The following CUX1 variants were observed in gnomAD, a reference collection of about 807,000 sequenced individuals.
CUX1 encodes cut like homeobox 1.
CUX1 carries 31 observed loss-of-function variants against 158.8 expected under a neutral mutation model. That is an observed-to-expected ratio of 0.20 (90% CI 0.15 to 0.26). The LOEUF is 0.26. CUX1 is among the 10% of genes least tolerant of loss of function. The pLI is 1.00. For synonymous variants in CUX1, 879 were observed against 862.1 expected (o/e 1.02, Z -0.34); for missense variants, 1,589 against 2,014.6 (o/e 0.79, Z 4.04).
At chr7:101,902,930 A>G in intron 1 of CUX1, among the ~76,000 whole-genome samples, 1 of 152,248 alleles carries the variant, frequency 6.6e-6, no homozygotes, top group East Asian at 1.9e-4. Context: ...CTTAATTTTA[A>G]TGGCTGATGT....
Position 102,281,761 on chromosome 7 carries a change from C to A in CUX1, c.1822-79C>A. 3 of 947,940 alleles carry A rather than the reference C, an allele frequency of 3.2e-6. No homozygotes were observed. The South Asian group carries it at 4.0e-5, about 13-fold the overall frequency. 58.7% of individuals were successfully genotyped at this position (947,940 alleles called of 1,614,324 possible). A position where few individuals can be genotyped will look rare whatever the true frequency, so the allele number is the denominator to read the frequency against. ...TTCCCTCCCCTTGCCACCCTAGGGC[C>A]CTTTCTGTGAAGCCCAGGCAGCCCT... On this transcript the variant is annotated intron_variant, in intron 20 of 22. Coordinates refer to the CUX1 transcript ENST00000292538.
chr7:102,158,717 T>C, intron 9 of CUX1, 109 bp downstream of exon 9: 1 of 1,021,408 alleles, frequency 9.8e-7, no homozygotes, highest in Admixed American at 1.9e-5. Flanking sequence ...CTTCCATTTT[T>C]TACTGACAGC....
chr7:102,202,730 A>C (rs1348056816), intron 18 of CUX1, among the ~76,000 whole-genome samples: 1 of 152,160 alleles, frequency 6.6e-6, no homozygotes, highest in Non-Finnish European at 1.5e-5. Context: ...TAACTCTTGG[A>C]TATTGTTCAG....
In CUX1 at chr7:102,252,964, T is replaced by C; in HGVS notation, c.*3922T>C. The C allele has an allele frequency of 2.0e-6, 2 of 985,410 alleles. No individual in the cohort carries two copies. The highest frequency in any genetic ancestry group is 2.4e-6 in the Non-Finnish European group (2 of 829,926). 61.0% of individuals were successfully genotyped at this position (985,410 alleles called of 1,614,324 possible). A position where few individuals can be genotyped will look rare whatever the true frequency, so the allele number is the denominator to read the frequency against. On this transcript the variant is annotated 3_prime_UTR_variant, in exon 24 of 24. Coordinates refer to ENST00000292535, the MANE Select transcript of CUX1 (RefSeq NM_181552.4). ...CAGGGATGCATGCATGGGAGAACTCTCTGAGAAATGCCAGGATCGTGGCTC... is the reference window on the plus strand; with the variant it reads ...CAGGGATGCATGCATGGGAGAACTCCCTGAGAAATGCCAGGATCGTGGCTC...
At chr7:101,937,489 G>C (rs1289921951) in intron 2 of CUX1, among the ~76,000 whole-genome samples, 7 of 152,072 alleles carry the variant, frequency 4.6e-5, no homozygotes, top group Admixed American at 2.6e-4. Context: ...TGAGGGAAAA[G>C]GGATAAATCA....
At chr7:101,985,372 T>C (rs1814161475) in intron 2 of CUX1, among the ~76,000 whole-genome samples, 1 of 151,882 alleles carries the variant, frequency 6.6e-6, no homozygotes, top group Non-Finnish European at 1.5e-5. Flanking sequence ...ACTGGGGAAA[T>C]GTAGCTAGCC....
In CUX1 at chr7:101,869,294, C is replaced by G. The variant is rs1021372228; in HGVS notation, c.31-46821C>G. On this transcript the variant is annotated intron_variant, in intron 1 of 23. Transcript: ENST00000292535. This position sits in a 1 kb window ranked among gnomAD's most constrained non-coding sequence, Gnocchi z 4.5. The stretch of plus-strand genomic sequence containing the variant: ...CCAGAGGACGCGGTGCCTTTCAGAC[C>G]CCTTGAGTAAGAGACAGAGTGGGTC... 6.6e-6 allele frequency among the ~76,000 whole-genome samples: 1 copy of G among 152,124 alleles called. No individual in the cohort carries two copies. Among genetic ancestry groups the G allele is most frequent in the Admixed American group, 6.5e-5 (1 of 15,270 alleles).
At chr7:101,855,672 A>G (rs959151283) in intron 1 of CUX1, among the ~76,000 whole-genome samples, 30 of 150,560 alleles carry the variant, frequency 2.0e-4, no homozygotes, top group African/African-American at 7.1e-4. Context: ...GAGGTCAGGA[A>G]TTCCAGACCA....
At chr7:101,923,595 T>C (rs1288731756) in intron 2 of CUX1, among the ~76,000 whole-genome samples, 1 of 152,254 alleles carries the variant, frequency 6.6e-6, no homozygotes, top group East Asian at 1.9e-4. Context: ...GGGCCGTCAC[T>C]GGTCATTTTT....
chr7:101,957,179 A>T (rs1037027151), intron 2 of CUX1, among the ~76,000 whole-genome samples: 1 of 152,220 alleles, frequency 6.6e-6, no homozygotes, highest in Non-Finnish European at 1.5e-5. Flanking sequence ...AGAATTAAAG[A>T]TGCTGTATCA....
chr7:102,078,675 A>G (rs1554477455), intron 4 of CUX1, among the ~76,000 whole-genome samples: 1 of 152,254 alleles, frequency 6.6e-6, no homozygotes, highest in Admixed American at 6.5e-5. Context: ...ACACTGCTAG[A>G]AGTCGCTGTT....
intron 21 of CUX1, among the ~76,000 whole-genome samples, chr7:102,228,717 G>A (rs1554529582): frequency 1.3e-5 from 2 of 152,208 alleles, no homozygotes; most frequent in African/African-American, 4.8e-5. Flanking sequence ...AGAATCGTTT[G>A]AACCCTGTAG....
At chr7:102,166,524 CAG>C (rs1158582733) in intron 9 of CUX1, among the ~76,000 whole-genome samples, 2 of 152,150 alleles carry the variant, frequency 1.3e-5, no homozygotes, top group Non-Finnish European at 2.9e-5. Flanking sequence ...GCTGGTTTAA[CAG>C]GGGTCTTCAG....
At chr7:101,895,584 A>G (rs912294991) in intron 1 of CUX1, among the ~76,000 whole-genome samples, 1 of 152,160 alleles carries the variant, frequency 6.6e-6, no homozygotes, top group Non-Finnish European at 1.5e-5. Context: ...TGTCTGTCCC[A>G]TAGATAGACT....
At chr7:102,283,524 C>T (rs562099760) in exon 23 of CUX1, 33 of 179,414 alleles carry the variant, frequency 1.8e-4, no homozygotes, top group South Asian at 1.1e-3. Flanking sequence ...AGGTGGAAGA[C>T]GCTTCCTTCC....
intron 14 of CUX1, among the ~76,000 whole-genome samples, chr7:102,272,988 C>T (rs1474454421): frequency 6.6e-6 from 1 of 152,202 alleles, no homozygotes; most frequent in Admixed American, 6.5e-5. Context: ...CCTCCTTGCC[C>T]CTGCCTGACA....
intron 1 of CUX1, among the ~76,000 whole-genome samples, chr7:101,849,344 CAA>C (rs1258836838): frequency 6.6e-6 from 1 of 151,578 alleles, no homozygotes; most frequent in Non-Finnish European, 1.5e-5. Context: ...CTTCACTCTC[CAA>C]AAGGCCCCAG....
chr7:101,990,248 G>A (rs1295183457), intron 2 of CUX1, among the ~76,000 whole-genome samples: 1 of 152,080 alleles, frequency 6.6e-6, no homozygotes, highest in African/African-American at 2.4e-5. Flanking sequence ...CGTAGATGAA[G>A]TTATTTGGGA....
intron 2 of CUX1, among the ~76,000 whole-genome samples, chr7:101,978,013 G>A (rs950426332): frequency 4.0e-5 from 6 of 150,454 alleles, no homozygotes; most frequent in Middle Eastern, 3.4e-3. Context: ...CTCCTGGTTC[G>A]GCCCACCTTG....
Sources: allele counts gnomAD v4.1 joint callset (sites outside exome capture counted in the v4.1 genomes callset), GRCh38; gene constraint gnomAD v4.1.1; non-coding constraint Gnocchi (gnomAD v3.1); transcripts MANE v1.5; gene names NCBI Gene and HGNC (gene_info 2026-07-23, HGNC 2026-07-21).